The following TECPR2 variants were observed in gnomAD, a reference collection of about 807,000 sequenced individuals.
TECPR2 encodes the protein tectonin beta-propeller repeat containing 2, also known as tectonin beta-propeller repeat-containing protein 2.
A neutral mutation model predicts 138.1 loss-of-function variants in TECPR2; 65 were observed. That is an observed-to-expected ratio of 0.47 (90% CI 0.39 to 0.58). The LOEUF is 0.58. TECPR2 is among the 20% of genes least tolerant of loss of function. The pLI, the probability that TECPR2 is intolerant of heterozygous loss-of-function variation, is 0.00. For missense variants in TECPR2, 1,553 were observed against 1,824.5 expected, an observed-to-expected ratio of 0.85 and a Z score of 2.71; for synonymous variants, 746 against 749.8, an observed-to-expected ratio of 0.99 and a Z score of 0.08.
intron 2 of TECPR2, among the ~76,000 whole-genome samples, chr14:102,386,296 C>G (rs1888000540): frequency 6.6e-6 from 1 of 151,952 alleles, no homozygotes; most frequent in South Asian, 2.1e-4. Context: ...ATGGCAAAAC[C>G]CCATCTCTAC....
At chr14:102,418,103 C>G (rs568673380) in intron 5 of TECPR2, among the ~76,000 whole-genome samples, 1 of 152,034 alleles carries the variant, frequency 6.6e-6, no homozygotes, top group Non-Finnish European at 1.5e-5. Flanking sequence ...GCGTGGGAGT[C>G]GCAGAAGAGA....
intron 1 of TECPR2, among the ~76,000 whole-genome samples, chr14:102,376,379 A>G (rs1209128390): frequency 6.6e-6 from 1 of 152,168 alleles, no homozygotes; most frequent in Non-Finnish European, 1.5e-5. Context: ...ATCATAAGCT[A>G]CTTGGGAGTA....
At chr14:102,480,413 A>G in intron 17 of TECPR2, among the ~76,000 whole-genome samples, 1 of 151,658 alleles carries the variant, frequency 6.6e-6, no homozygotes, top group Middle Eastern at 3.2e-3. Context: ...TTTAGTAGAG[A>G]TGGGTTTTCA....
chr14:102,409,082 G>C (rs115413409), intron 4 of TECPR2, among the ~76,000 whole-genome samples: 1 of 152,304 alleles, frequency 6.6e-6, no homozygotes, highest in African/African-American at 2.4e-5. Context: ...AGAGATCCAG[G>C]AACTAGTCCA....
intron 17 of TECPR2, among the ~76,000 whole-genome samples, chr14:102,479,361 C>T (rs1048528717): frequency 1.3e-5 from 2 of 152,168 alleles, no homozygotes; most frequent in Non-Finnish European, 2.9e-5. Context: ...CTTCTAGGCT[C>T]CTGGCAGTGA....
At chr14:102,444,064 T>C (rs1392617030) in intron 12 of TECPR2, among the ~76,000 whole-genome samples, 1 of 152,172 alleles carries the variant, frequency 6.6e-6, no homozygotes, top group East Asian at 1.9e-4. Flanking sequence ...CACAGCGTCA[T>C]GAGTCTGTCA....
chr14:102,434,423 G>C lies in TECPR2; in HGVS notation c.1606G>C (p.Gly536Arg), dbSNP rs186595127. ...QESSFNGEVNGVPQENTDPET... is the reference protein window; with the variant it reads ...QESSFNGEVNRVPQENTDPET... ...AAGCAGCTTCAATGGTGAAGTGAAC[G>C]GTGTCCCACAGGAAAATACTGACCC... is the stretch of plus-strand genomic sequence containing the variant. The change falls in exon 9 of 20, where the codon GGT (glycine) becomes CGT (arginine). Residue 536 changes from glycine (G) to arginine (R), a missense_variant. Gly to Arg is a moderately radical substitution (Grantham distance 125, BLOSUM62 -2). Transcript: ENST00000359520. The C allele has an allele frequency of 3.9e-5, 60 of 1,530,624 alleles. 1 individual carries two copies. In the East Asian group the frequency reaches 1.3e-3, roughly 33 times the overall value. 94.8% of individuals were successfully genotyped at this position (1,530,624 alleles called of 1,614,324 possible). A position where few individuals can be genotyped will look rare whatever the true frequency, so the allele number is the denominator to read the frequency against.
intron 13 of TECPR2, among the ~76,000 whole-genome samples, chr14:102,448,663 C>A (rs1890053533): frequency 6.6e-6 from 1 of 151,978 alleles, no homozygotes. Context: ...GTCAGGAGTT[C>A]AAGACCAGCC....
At chr14:102,409,368 C>T (rs981287390) in intron 4 of TECPR2, among the ~76,000 whole-genome samples, 6 of 151,700 alleles carry the variant, frequency 4.0e-5, no homozygotes, top group Admixed American at 1.3e-4. Flanking sequence ...GGCCCAATCT[C>T]GGCTTGTGAC....
intron 16 of TECPR2, among the ~76,000 whole-genome samples, chr14:102,455,769 A>T (rs1890263319): frequency 6.6e-6 from 1 of 151,932 alleles, no homozygotes; most frequent in East Asian, 1.9e-4. Flanking sequence ...CCACCACCAC[A>T]CCTGGCTAAT....
intron 16 of TECPR2, among the ~76,000 whole-genome samples, chr14:102,463,408 C>T (rs1347260279): frequency 1.4e-4 from 17 of 124,842 alleles, no homozygotes; most frequent in Non-Finnish European, 2.4e-4. Context: ...CAGAGCGAGA[C>T]TCCGTCTCAA....
chr14:102,490,545 C>T (rs1277921053), intron 17 of TECPR2, among the ~76,000 whole-genome samples: 5 of 152,192 alleles, frequency 3.3e-5, no homozygotes, highest in African/African-American at 7.2e-5. Context: ...TTAGCAGAGG[C>T]GCCTTCCCGA....
At chr14:102,422,583 C>T (rs1312382531) in intron 5 of TECPR2, among the ~76,000 whole-genome samples, 1 of 152,160 alleles carries the variant, frequency 6.6e-6, no homozygotes, top group East Asian at 1.9e-4. Flanking sequence ...TAGCATCATA[C>T]ATTTTAATAA....
intron 8 of TECPR2, 73 bp downstream of exon 8, chr14:102,432,201 A>AGCAGCAATG: frequency 7.3e-7 from 1 of 1,377,848 alleles, no homozygotes; most frequent in East Asian, 2.5e-5. Flanking sequence ...GCTGCTGCTC[A>AGCAGCAATG]CTGAGTGAGC....
chr14:102,501,616 G>C lies in TECPR2; in HGVS notation c.*3359G>C, dbSNP rs1268217019. ...AAAACCTCAAAGAAGGGAAATAATT[G>C]CAACAAATGGGAATTGATGTTGAAT... On this transcript the variant is annotated 3_prime_UTR_variant, in exon 20 of 20. Coordinates refer to ENST00000359520, the MANE Select transcript of TECPR2 (RefSeq NM_014844.5). 1.3e-5 allele frequency: 2 copies of C among 152,152 alleles called. No individual in the cohort carries two copies. The highest frequency in any genetic ancestry group is 2.9e-5 in the Non-Finnish European group (2 of 68,028). The allele number at this position is 152,152 out of a possible 1,614,324, so 9.4% of individuals were successfully genotyped here.
chr14:102,444,045 C>G (rs1408418683), intron 12 of TECPR2, among the ~76,000 whole-genome samples: 1 of 152,110 alleles, frequency 6.6e-6, no homozygotes, highest in African/African-American at 2.4e-5. Context: ...TCTGCGCAGC[C>G]CTGAGCATCA....
chr14:102,488,570 C>G (rs973036736), intron 17 of TECPR2, among the ~76,000 whole-genome samples: 2 of 151,898 alleles, frequency 1.3e-5, no homozygotes, highest in Admixed American at 6.6e-5. Context: ...TCTCAAACTC[C>G]CGACCTCAGG....
At chr14:102,459,955 C>T (rs1890364808) in intron 16 of TECPR2, among the ~76,000 whole-genome samples, 1 of 152,052 alleles carries the variant, frequency 6.6e-6, no homozygotes, top group Non-Finnish European at 1.5e-5. Flanking sequence ...CATCATCAGT[C>T]TTCTCTAAAA....
chr14:102,435,337 A>G (rs1889636160), intron 9 of TECPR2, 126 bp downstream of exon 9: 1 of 1,372,526 alleles, frequency 7.3e-7, no homozygotes, highest in African/African-American at 1.4e-5. Context: ...CCGTAGGCCA[A>G]CTCTGTTTTC....
Sources: gnomAD v4.1 joint callset for allele counts (sites outside exome capture counted in the v4.1 genomes callset) on GRCh38, gnomAD v4.1.1 for gene constraint, MANE v1.5 for transcripts, NCBI Gene and HGNC (gene_info 2026-07-23, HGNC 2026-07-21) for gene names.